CTNNA3: variants seen among roughly 807,000 people sequenced by gnomAD.
CTNNA3 encodes the protein catenin alpha 3.
A neutral mutation model predicts 95.7 loss-of-function variants in CTNNA3; 76 were observed. That is an observed-to-expected ratio of 0.79 (90% CI 0.66 to 0.96). CTNNA3 has a LOEUF of 0.96. Ranked by LOEUF, CTNNA3 falls within the 40% of genes least tolerant of loss-of-function variation. The probability of loss-of-function intolerance (pLI) is 0.00; values close to 1 mark genes in which losing one functional copy is unlikely to be tolerated. For missense variants in CTNNA3, 1,191 were observed against 1,089.8 expected, an observed-to-expected ratio of 1.09 and a Z score of -1.31; for synonymous variants, 431 against 374.4, an observed-to-expected ratio of 1.15 and a Z score of -1.74.
chr10:67,694,097 T>C (rs1041920383), intron 1 of CTNNA3, among the ~76,000 whole-genome samples: 1 of 152,200 alleles, frequency 6.6e-6, no homozygotes, highest in Non-Finnish European at 1.5e-5. Context: ...TAAATCACTA[T>C]GTCTACATGG....
chr10:66,564,891 T>C (rs1842659278), intron 10 of CTNNA3, among the ~76,000 whole-genome samples: 1 of 152,148 alleles, frequency 6.6e-6, no homozygotes, highest in Admixed American at 6.6e-5. Context: ...TGCTCTTCAG[T>C]TAAGGCACTT....
chr10:67,086,751 T>C (rs941185923), intron 7 of CTNNA3, among the ~76,000 whole-genome samples: 2 of 152,002 alleles, frequency 1.3e-5, no homozygotes, highest in Non-Finnish European at 2.9e-5. Flanking sequence ...CAGTCATAGA[T>C]ATGGAGAGTT....
intron 7 of CTNNA3, among the ~76,000 whole-genome samples, chr10:66,799,270 T>C (rs1020356786): frequency 6.6e-6 from 1 of 151,400 alleles, no homozygotes; most frequent in Non-Finnish European, 1.5e-5. Flanking sequence ...AAATAGACAA[T>C]ACATATAGGC....
chr10:67,064,803 C>T (rs898217612), intron 7 of CTNNA3, among the ~76,000 whole-genome samples: 1 of 151,478 alleles, frequency 6.6e-6, no homozygotes, highest in South Asian at 2.2e-4. Flanking sequence ...ACTTCACATA[C>T]ATTAGATGTG....
chr10:65,990,096 TACACACACACACACC>T (rs1564562618), intron 15 of CTNNA3, among the ~76,000 whole-genome samples: 4 of 147,444 alleles, frequency 2.7e-5, no homozygotes, highest in African/African-American at 5.0e-5. Context: ...TGTGTGTGTA[TACACACACACACACC>T]ACATTTTATT....
intron 5 of CTNNA3, among the ~76,000 whole-genome samples, chr10:67,495,788 T>C (rs1373873083): frequency 6.6e-6 from 1 of 152,196 alleles, no homozygotes; most frequent in Admixed American, 6.5e-5. Context: ...GGGAGAAAAT[T>C]GATATTCCCA....
chr10:66,794,313 C>A (rs1260434589), intron 7 of CTNNA3, among the ~76,000 whole-genome samples: 1 of 152,074 alleles, frequency 6.6e-6, no homozygotes, highest in Non-Finnish European at 1.5e-5. Context: ...CAGTTCCATA[C>A]CAACACAGTA....
intron 7 of CTNNA3, among the ~76,000 whole-genome samples, chr10:67,039,274 A>C (rs534641419): frequency 6.6e-6 from 1 of 152,266 alleles, no homozygotes; most frequent in African/African-American, 2.4e-5. Flanking sequence ...GCTGTTAGAA[A>C]TCCTGAATAT....
rs149798103 is a variant in CTNNA3, at chr10:66,053,331, C to T, written c.2159+15977G>A. ...TTAGGATGTTTTTCACACATTTTTA[C>T]ATTTTTAATTTTATTTTTTAAACTT... On this transcript the variant is annotated intron_variant, in intron 15 of 17. Transcript: ENST00000433211. 4.8e-3 allele frequency among the ~76,000 whole-genome samples: 735 copies of T among 152,062 alleles called. 13 individuals are homozygous for T. The highest frequency in any genetic ancestry group is 0.017 in the African/African-American group (692 of 41,536).
intron 10 of CTNNA3, among the ~76,000 whole-genome samples, chr10:66,583,645 T>C (rs1360264260): frequency 6.6e-6 from 1 of 151,844 alleles, no homozygotes; most frequent in Non-Finnish European, 1.5e-5. Context: ...TTTGTTTCAT[T>C]GGTCCTTTGG....
intron 1 of CTNNA3, among the ~76,000 whole-genome samples, chr10:67,649,318 T>C (rs1399596418): frequency 6.7e-6 from 1 of 149,578 alleles, no homozygotes; most frequent in Non-Finnish European, 1.5e-5. Context: ...CCACCAGAAA[T>C]TGAAAGTAAG....
At chr10:67,561,608 G>A (rs1219653689) in intron 3 of CTNNA3, among the ~76,000 whole-genome samples, 1 of 145,802 alleles carries the variant, frequency 6.9e-6, no homozygotes, top group Non-Finnish European at 1.5e-5. Flanking sequence ...ACATTCAAAC[G>A]CTAGCAGAAA....
chr10:66,459,129 A>T (rs1297082572), intron 11 of CTNNA3, among the ~76,000 whole-genome samples: 1 of 152,200 alleles, frequency 6.6e-6, no homozygotes, highest in African/African-American at 2.4e-5. Flanking sequence ...AAGACAACAA[A>T]GATGAAGACT....
chr10:66,379,253 G>A lies in CTNNA3; in HGVS notation c.1631C>T (p.Ala544Val). Reference protein sequence around the residue: ...DRAAGAIRGRAARVAHIVTGE... With the variant: ...DRAAGAIRGRVARVAHIVTGE... Reference sequence around the variant, plus strand: ...CGTGACGATGTGAGCAACTCTTGCTGCCCGGCCTCTGATAGCACCCGCAGC... The same window carrying A: ...CGTGACGATGTGAGCAACTCTTGCTACCCGGCCTCTGATAGCACCCGCAGC... The change falls in exon 12 of 18, where the codon GCA becomes GTA. Residue 544 changes from alanine (A) to valine (V), a missense_variant. Coordinates refer to ENST00000433211, the MANE Select transcript of CTNNA3 (RefSeq NM_013266.4). 6.2e-7 allele frequency: 1 copy of A among 1,614,096 alleles called. No individual in the cohort carries two copies. Among genetic ancestry groups the A allele is most frequent in the Non-Finnish European group, 8.5e-7 (1 of 1,179,974 alleles).
intron 10 of CTNNA3, among the ~76,000 whole-genome samples, chr10:66,554,194 C>A (rs1589416610): frequency 6.6e-6 from 1 of 152,108 alleles, no homozygotes; most frequent in East Asian, 1.9e-4. Context: ...TTTCTTTCAA[C>A]AGATTGAATA....
At chr10:67,360,518 A>G (rs1396794709) in intron 5 of CTNNA3, among the ~76,000 whole-genome samples, 1 of 152,082 alleles carries the variant, frequency 6.6e-6, no homozygotes, top group Admixed American at 6.6e-5. Context: ...AGAAGCATCT[A>G]TGTATTAGTC....
In CTNNA3 at chr10:66,078,421, G is replaced by A. The variant is rs115514801; in HGVS notation, c.1978-8932C>T. 2.6e-3 allele frequency among the ~76,000 whole-genome samples: 389 copies of A among 151,804 alleles called. 5 individuals are homozygous for A. Among genetic ancestry groups the A allele is most frequent in the African/African-American group, 9.0e-3 (375 of 41,478 alleles). ...TTTGGGGATATTTCAGTATATCATC[G>A]TCTCTTTCATAAAATGACTTCCAGA... On this transcript the variant is annotated intron_variant, in intron 14 of 17. Transcript: ENST00000433211.
At chr10:66,618,507 A>T (rs1486220581) in intron 10 of CTNNA3, among the ~76,000 whole-genome samples, 5 of 152,324 alleles carry the variant, frequency 3.3e-5, no homozygotes, top group African/African-American at 9.6e-5. Context: ...GGCTAGCCAT[A>T]GGTAGAAAGC....
chr10:67,027,611 A>G (rs956481037), intron 7 of CTNNA3, among the ~76,000 whole-genome samples: 7 of 151,562 alleles, frequency 4.6e-5, no homozygotes, highest in Non-Finnish European at 7.4e-5. Flanking sequence ...ACTTTTTTGT[A>G]TTTTTAGTAG....
Sources: allele counts gnomAD v4.1 joint callset (sites outside exome capture counted in the v4.1 genomes callset), GRCh38; gene constraint gnomAD v4.1.1; transcripts MANE v1.5; gene names NCBI Gene and HGNC (gene_info 2026-07-23, HGNC 2026-07-21).